TTYH1: variants seen among roughly 807,000 people sequenced by gnomAD.
TTYH1 encodes the protein protein tweety homolog 1.
TTYH1 carries 33 observed loss-of-function variants against 61.2 expected under a neutral mutation model. The ratio of observed to expected loss-of-function variants is 0.54; its 90% CI spans 0.41 to 0.72. The LOEUF is 0.72. Ranked by LOEUF, TTYH1 falls within the 30% of genes least tolerant of loss-of-function variation. The pLI is 0.00. For missense variants in TTYH1, 538 were observed against 575.8 expected, an observed-to-expected ratio of 0.93 and a Z score of 0.67; for synonymous variants, 308 against 266.4, an observed-to-expected ratio of 1.16 and a Z score of -1.52.
In TTYH1 at chr19:54,436,277, G is replaced by C. The variant is rs541017682; in HGVS notation, c.*43-56G>C. The stretch of plus-strand genomic sequence containing the variant: ...CTGCGTGCCTCCTGCTGGGTGGATC[G>C]CACCGGGCAGGCCCTCCAGCCTGCA... On this transcript the variant is annotated intron_variant, in intron 13 of 13. Transcript: ENST00000376530. The surrounding 1 kb of genome is among the most constrained non-coding windows in gnomAD (Gnocchi z 4.3). 1.2e-6 allele frequency: 2 copies of C among 1,611,560 alleles called. No individual in the cohort carries two copies. Among genetic ancestry groups the C allele is most frequent in the Non-Finnish European group, 1.7e-6 (2 of 1,178,030 alleles).
chr19:54,436,388 C>A lies in TTYH1; in HGVS notation c.*98C>A, dbSNP rs767194457. ...CTAACCCAGCCTGCCTGGGCTCTGA[C>A]CACTAACACTCTTGGCCATGGACAG... On this transcript the variant is annotated 3_prime_UTR_variant, in exon 14 of 14. Coordinates refer to ENST00000376530, the MANE Select transcript of TTYH1 (RefSeq NM_020659.4). This position sits in a 1 kb window ranked among gnomAD's most constrained non-coding sequence, Gnocchi z 4.3. 3 of 1,613,928 alleles carry A rather than the reference C, an allele frequency of 1.9e-6. 1 individual carries two copies. In the South Asian group the frequency reaches 3.3e-5, roughly 18 times the overall value.
At position 54,419,993 on chromosome 19, in the gene TTYH1, A is replaced by G. The variant is rs534758600; in HGVS notation, c.305+687A>G. Among the ~76,000 whole-genome samples, 1 of 152,200 alleles carries G rather than the reference A, an allele frequency of 6.6e-6. No homozygotes were observed. Among genetic ancestry groups the G allele is most frequent in the East Asian group, 1.9e-4 (1 of 5,162 alleles). ...TGCTGGATTCAGGGGTGTCAGGCCC[A>G]GTTTCCAAAGAGGAAGGCTCAGGGA... is the stretch of plus-strand genomic sequence containing the variant. On this transcript the variant is annotated intron_variant, in intron 2 of 13. Coordinates refer to ENST00000376530, the MANE Select transcript of TTYH1 (RefSeq NM_020659.4). This position sits in a 1 kb window ranked among gnomAD's most constrained non-coding sequence, Gnocchi z 6.1.
Position 54,419,869 on chromosome 19 carries a change from T to C in TTYH1, c.305+563T>C, listed in dbSNP as rs1328702176. ...GGAGCCCCTCGTGCAGCTTATGTTC[T>C]AATCAGGGAGACGGACGATAAATAG... On this transcript the variant is annotated intron_variant, in intron 2 of 13. Transcript: ENST00000376530. The surrounding 1 kb of genome is among the most constrained non-coding windows in gnomAD (Gnocchi z 6.1). 1.3e-5 allele frequency among the ~76,000 whole-genome samples: 2 copies of C among 152,194 alleles called. No homozygotes were observed. Among genetic ancestry groups the C allele is most frequent in the African/African-American group, 4.8e-5 (2 of 41,442 alleles).
chr19:54,422,529 T>C, intron 4 of TTYH1, 119 bp downstream of exon 4: 1 of 810,336 alleles, frequency 1.2e-6, no homozygotes, highest in Non-Finnish European at 1.9e-6. Flanking sequence ...GTGTGCGCAC[T>C]GCTGGCATCC....
Position 54,422,086 on chromosome 19 carries a change from C to T in TTYH1, c.418-104C>T, listed in dbSNP as rs12462329. On this transcript the variant is annotated intron_variant, in intron 3 of 13. Transcript: ENST00000376530. The stretch of plus-strand genomic sequence containing the variant: ...GATGTCCCAGACTCCAGATCTCAGA[C>T]ACCCGCTACTATGCACCCCTCCTTC... 2,309 of 892,918 alleles carry T rather than the reference C, an allele frequency of 2.6e-3. 92 individuals are homozygous for T. In the Admixed American group the frequency reaches 0.056, roughly 22 times the overall value. The allele number at this position is 892,918 out of a possible 1,614,324, so 55.3% of individuals were successfully genotyped here.
At position 54,435,703 on chromosome 19, in the gene TTYH1, T is replaced by G. The variant is rs747613866; in HGVS notation, c.1268+19T>G. On this transcript the variant is annotated intron_variant, in intron 11 of 13. Coordinates refer to ENST00000376530, the MANE Select transcript of TTYH1 (RefSeq NM_020659.4). The stretch of plus-strand genomic sequence containing the variant: ...CACCCAGGTCAGGAGCGGGGGAGGG[T>G]AGGGTCCTGGGGAGGGAAGAGGAGG... 78 of 1,606,662 alleles carry G rather than the reference T, an allele frequency of 4.9e-5. No individual in the cohort carries two copies. The South Asian group carries it at 6.9e-4, about 14-fold the overall frequency.
At chr19:54,424,445 G>T (rs2083282706) in intron 4 of TTYH1, among the ~76,000 whole-genome samples, 1 of 152,264 alleles carries the variant, frequency 6.6e-6, no homozygotes, top group African/African-American at 2.4e-5. Context: ...CAGCGGGGAA[G>T]GCCGACTGGG....
Position 54,416,245 on chromosome 19 carries a change from G to T in TTYH1, c.126+567G>T, listed in dbSNP as rs2083075944. On this transcript the variant is annotated intron_variant, in intron 1 of 13. Transcript: ENST00000376530. This position sits in a 1 kb window ranked among gnomAD's most constrained non-coding sequence, Gnocchi z 7.0. ...GGGGCTCTGGGAGAGGAAGCTTCTT[G>T]CCCGTCCCAAGAAAGAAGGGGTGGT... is the stretch of plus-strand genomic sequence containing the variant. 8.4e-6 allele frequency: 3 copies of T among 355,118 alleles called. No individual in the cohort carries two copies. The highest frequency in any genetic ancestry group is 1.7e-5 in the Non-Finnish European group (3 of 178,366). 22.0% of individuals were successfully genotyped at this position (355,118 alleles called of 1,614,324 possible).
Position 54,429,989 on chromosome 19 carries a change from G to A in TTYH1, c.883+32G>A. The stretch of plus-strand genomic sequence containing the variant: ...TCCAAGGGCCCGGTGGGTCCGCCGG[G>A]TTGGGCAGTGCAGGCCCTGGCTTCC... On this transcript the variant is annotated intron_variant, in intron 7 of 13. Transcript: ENST00000376530. The surrounding 1 kb of genome is among the most constrained non-coding windows in gnomAD (Gnocchi z 5.1). The A allele has an allele frequency of 6.3e-7, 1 of 1,597,472 alleles. No homozygotes were observed. The highest frequency in any genetic ancestry group is 8.6e-7 in the Non-Finnish European group (1 of 1,165,702).
chr19:54,417,018 G>A (rs748374448), intron 1 of TTYH1: 57 of 1,160,888 alleles, frequency 4.9e-5, no homozygotes, highest in African/African-American at 6.7e-5. Flanking sequence ...AGCCGAGGAG[G>A]GCAAGGGGGA....
intron 5 of TTYH1, among the ~76,000 whole-genome samples, chr19:54,428,079 GTTTTTTTTTT>G (rs936820982): frequency 4.8e-4 from 30 of 62,480 alleles, no homozygotes; most frequent in African/African-American, 1.7e-3. Flanking sequence ...TCCCGGCTAA[GTTTTTTTTTT>G]TTTTTTTTTT....
rs961791976 is a variant in TTYH1 at position 54,421,798 on chromosome 19, C to T, written c.418-392C>T. On this transcript the variant is annotated intron_variant, in intron 3 of 13. Coordinates refer to ENST00000376530, the MANE Select transcript of TTYH1 (RefSeq NM_020659.4). This position sits in a 1 kb window ranked among gnomAD's most constrained non-coding sequence, Gnocchi z 4.8. ...AGCTCCAGGATTCTGGGCCCTGGGGCTGAGGCCTGGCCCCACTTCATGCCT... is the reference window on the plus strand; with the variant it reads ...AGCTCCAGGATTCTGGGCCCTGGGGTTGAGGCCTGGCCCCACTTCATGCCT... Among the ~76,000 whole-genome samples, 1 of 152,158 alleles carries T rather than the reference C, an allele frequency of 6.6e-6. No homozygotes were observed. Among genetic ancestry groups the T allele is most frequent in the Non-Finnish European group, 1.5e-5 (1 of 68,016 alleles).
At position 54,421,417 on chromosome 19, in the gene TTYH1, A is replaced by G. The variant is rs756516734; in HGVS notation, c.417+29A>G. 4 of 1,466,146 alleles carry G rather than the reference A, an allele frequency of 2.7e-6. No individual in the cohort carries two copies. The highest frequency in any genetic ancestry group is 2.8e-5 in the African/African-American group (2 of 72,070). The allele number at this position is 1,466,146 out of a possible 1,614,324, so 90.8% of individuals were successfully genotyped here. ...AGGGGCCAGCAACCAGTGGGACCCC[A>G]GACCCACACCTGGACGGGCTCCCCA... On this transcript the variant is annotated intron_variant, in intron 3 of 13. Transcript: ENST00000376530. This position sits in a 1 kb window ranked among gnomAD's most constrained non-coding sequence, Gnocchi z 4.8.
In TTYH1 at chr19:54,435,643, C is replaced by G. The variant is rs1331006689; in HGVS notation, c.1227C>G (p.Ala409=). The change falls in exon 11 of 14, where the codon GCC becomes GCG. Residue 409 remains alanine (A), a synonymous_variant. Coordinates refer to ENST00000376530, the MANE Select transcript of TTYH1 (RefSeq NM_020659.4). Reference sequence around the variant, plus strand: ...TGTCTGCAGGAGCGCTGGCCACTGCCCTCTGCAGCCTGCCCCGAGCCTGGG... The same window carrying G: ...TGTCTGCAGGAGCGCTGGCCACTGCGCTCTGCAGCCTGCCCCGAGCCTGGG... ...SLLSAGALAT[A]LCSLPRAWAL... 2 of 1,611,692 alleles carry G rather than the reference C, an allele frequency of 1.2e-6. No individual in the cohort carries two copies. Among genetic ancestry groups the G allele is most frequent in the Admixed American group, 1.7e-5 (1 of 59,926 alleles).
rs2083169030 is a variant in TTYH1, at chr19:54,419,788, T to TCGAC, written c.305+483_305+486dup. Among the ~76,000 whole-genome samples the TCGAC allele has an allele frequency of 6.6e-6, 1 of 152,166 alleles. No individual in the cohort carries two copies. Among genetic ancestry groups the TCGAC allele is most frequent in the Non-Finnish European group, 1.5e-5 (1 of 68,040 alleles). ...TTCCGTCATTCACCAGCTCATTCAT[T>TCGAC]CGACAACTGTTTATTGAGTATTTAC... On this transcript the variant is annotated intron_variant, in intron 2 of 13. Transcript: ENST00000376530. This position sits in a 1 kb window ranked among gnomAD's most constrained non-coding sequence, Gnocchi z 6.1.
intron 10 of TTYH1, chr19:54,432,114 G>A (rs1014926635): frequency 2.6e-5 from 4 of 152,144 alleles, no homozygotes; most frequent in African/African-American, 9.7e-5. Flanking sequence ...CCAACTACTC[G>A]GGAGGCTGAG....
At position 54,424,085 on chromosome 19, in the gene TTYH1, C is replaced by T. The variant is rs140110940; in HGVS notation, c.638+1675C>T. On this transcript the variant is annotated intron_variant, in intron 4 of 13. Transcript: ENST00000376530. ...CTGAGACAGGAGAATCGCTTGAACCCAGGAAGTGGAGCTTGCAGTGAGCAG... is the reference window on the plus strand; with the variant it reads ...CTGAGACAGGAGAATCGCTTGAACCTAGGAAGTGGAGCTTGCAGTGAGCAG... 6.6e-5 allele frequency among the ~76,000 whole-genome samples: 10 copies of T among 151,988 alleles called. No individual in the cohort carries two copies. The South Asian group carries it at 1.2e-3, about 19-fold the overall frequency.
In TTYH1 at chr19:54,416,556, T is replaced by G; in HGVS notation, c.126+878T>G. On this transcript the variant is annotated intron_variant, in intron 1 of 13. Transcript: ENST00000376530. This position sits in a 1 kb window ranked among gnomAD's most constrained non-coding sequence, Gnocchi z 7.0. ...GTGGCCCCAGGACGGGTCCTGGCCC[T>G]GCTGATGGGGCCTGAGCCCCTGGGC... The G allele has an allele frequency of 2.9e-6, 1 of 345,496 alleles. No homozygotes were observed. Among genetic ancestry groups the G allele is most frequent in the South Asian group, 2.2e-5 (1 of 46,426 alleles). The allele number at this position is 345,496 out of a possible 1,614,324, so 21.4% of individuals were successfully genotyped here.
chr19:54,431,480 CT>C, intron 10 of TTYH1: 1 of 491,694 alleles, frequency 2.0e-6, no homozygotes, highest in Non-Finnish European at 3.6e-6. Flanking sequence ...TTCCTGCCAC[CT>C]TTTCCTTCCT....
Sources: allele counts gnomAD v4.1 joint callset (sites outside exome capture counted in the v4.1 genomes callset), GRCh38; gene constraint gnomAD v4.1.1; non-coding constraint Gnocchi (gnomAD v3.1); transcripts MANE v1.5; gene names NCBI Gene and HGNC (gene_info 2026-07-23, HGNC 2026-07-21).